CEPT1: variants seen among roughly 807,000 people sequenced by gnomAD.
CEPT1 encodes choline/ethanolamine phosphotransferase 1, also known as choline/ethanolaminephosphotransferase 1.
Under a neutral mutation model 42.6 loss-of-function variants are expected in CEPT1, and 7 were observed. The observed-to-expected ratio is 0.16, with a 90% CI of 0.09 to 0.31. CEPT1 has a LOEUF of 0.31. CEPT1 is among the 10% of genes least tolerant of loss of function. The pLI is 1.00. For missense variants in CEPT1, 306 were observed against 502.1 expected (o/e 0.61, Z 3.73); for synonymous variants, 171 against 171.9 (o/e 0.99, Z 0.04).
chr1:111,159,288 A>G, intron 2 of CEPT1, 92 bp from the exon 3 acceptor site: 6 of 1,221,752 alleles, frequency 4.9e-6, no homozygotes, highest in Non-Finnish European at 7.0e-6. Context: ...CATAGCTTCC[A>G]ACTAGCTTTC....
At chr1:111,145,243 T>A (rs1557919492) in intron 1 of CEPT1, among the ~76,000 whole-genome samples, 1 of 152,218 alleles carries the variant, frequency 6.6e-6, no homozygotes, top group Non-Finnish European at 1.5e-5. Context: ...CTCGAACTCC[T>A]GACCTCAGGT....
In CEPT1 at chr1:111,184,178, C is replaced by G; in HGVS notation, c.1132-13C>G. The G allele has an allele frequency of 6.2e-7, 1 of 1,612,854 alleles. No individual in the cohort carries two copies. The highest frequency in any genetic ancestry group is 8.5e-7 in the Non-Finnish European group (1 of 1,179,182). ...GCCTAAACGGGTGCTGAGAATGTCT[C>G]TTTTCTTTCCAGGTTTTCTCTTTCT... is the stretch of plus-strand genomic sequence containing the variant. On this transcript the variant is annotated splice_polypyrimidine_tract_variant and intron_variant, in intron 8 of 8. Transcript: ENST00000357172.
intron 4 of CEPT1, among the ~76,000 whole-genome samples, chr1:111,164,506 A>C (rs1656031585): frequency 6.6e-6 from 1 of 152,202 alleles, no homozygotes; most frequent in Admixed American, 6.5e-5. Flanking sequence ...AATACTCTTT[A>C]AGATATTTAT....
At chr1:111,181,264 C>CTAGACTACG (rs1553239660) in intron 5 of CEPT1, 1 of 152,018 alleles carries the variant, frequency 6.6e-6, no homozygotes, top group Non-Finnish European at 1.5e-5. Flanking sequence ...GTTTCTATTA[C>CTAGACTACG]TAGACTACGT....
At chr1:111,172,199 A>C (rs1656452753) in intron 4 of CEPT1, among the ~76,000 whole-genome samples, 1 of 152,166 alleles carries the variant, frequency 6.6e-6, no homozygotes, top group South Asian at 2.1e-4. Flanking sequence ...TTTGTTAAAA[A>C]ATCACTGGCA....
chr1:111,159,211 G>A (rs887471845), intron 2 of CEPT1, among the ~76,000 whole-genome samples, 169 bp from the exon 3 acceptor site: 3 of 150,036 alleles, frequency 2.0e-5, no homozygotes, highest in Non-Finnish European at 3.0e-5. Flanking sequence ...CACCGCGCCC[G>A]GCATTCTTTT....
At chr1:111,174,990 A>C (rs1656607462) in intron 5 of CEPT1, 27 bp downstream of exon 5, 1 of 1,273,220 alleles carries the variant, frequency 7.9e-7, no homozygotes, top group African/African-American at 1.5e-5. Flanking sequence ...TGTGTATCCC[A>C]TGTAATGCAT....
chr1:111,163,131 T>G (rs1655955342), intron 4 of CEPT1, among the ~76,000 whole-genome samples: 1 of 151,656 alleles, frequency 6.6e-6, no homozygotes, highest in Non-Finnish European at 1.5e-5. Flanking sequence ...GACACTAGAG[T>G]GCTTGCAAGG....
chr1:111,168,967 G>A lies in CEPT1; in HGVS notation c.630-5912G>A, dbSNP rs12029907. 6.0e-4 allele frequency among the ~76,000 whole-genome samples: 92 copies of A among 152,308 alleles called. 2 individuals are homozygous for A. The East Asian group carries it at 0.016, about 27-fold the overall frequency. On this transcript the variant is annotated intron_variant, in intron 4 of 8. Coordinates refer to ENST00000357172, the MANE Select transcript of CEPT1 (RefSeq NM_006090.5). ...ACTCAGGTTCCTGATATAAGGTGGT[G>A]TAGTATTTGCATAGAACCTATACAC... is the stretch of plus-strand genomic sequence containing the variant.
intron 1 of CEPT1, 47 bp downstream of exon 1, chr1:111,140,354 G>C (rs1396934198): frequency 6.5e-6 from 1 of 153,518 alleles, no homozygotes; most frequent in East Asian, 1.9e-4. Flanking sequence ...TTTGAAGGGC[G>C]TTGTAGGGGC....
Position 111,151,128 on chromosome 1 carries a change from G to GTT in CEPT1, c.339+3089_339+3090dup, listed in dbSNP as rs34545608. On this transcript the variant is annotated intron_variant, in intron 2 of 8. Transcript: ENST00000357172. ...GAGCACTGCTTGTTTTTTTTTGTTT[G>GTT]TTTTTTTTTTTTTTTGAGACGGAGT... 8.0e-3 allele frequency among the ~76,000 whole-genome samples: 1,087 copies of GTT among 135,070 alleles called. 14 individuals are homozygous for GTT. Among genetic ancestry groups the GTT allele is most frequent in the Middle Eastern group, 0.023 (6 of 262 alleles). The allele number at this position is 135,070 out of a possible 152,430, so 88.6% of individuals were successfully genotyped here. A position where few individuals can be genotyped will look rare whatever the true frequency, so the allele number is the denominator to read the frequency against.
chr1:111,151,577 A>G (rs1655280448), intron 2 of CEPT1, among the ~76,000 whole-genome samples: 1 of 152,216 alleles, frequency 6.6e-6, no homozygotes, highest in South Asian at 2.1e-4. Flanking sequence ...TTGTCTAAAG[A>G]TCTGGGATTG....
intron 5 of CEPT1, chr1:111,178,997 C>T (rs1185395833): frequency 6.6e-6 from 1 of 152,140 alleles, no homozygotes; most frequent in East Asian, 1.9e-4. Flanking sequence ...AAATGATTTA[C>T]AAACAGGCAT....
intron 2 of CEPT1, among the ~76,000 whole-genome samples, chr1:111,157,045 A>G (rs1032588028): frequency 2.0e-4 from 30 of 152,206 alleles, no homozygotes; most frequent in Admixed American, 1.4e-3. Context: ...TCTTACGGCA[A>G]CTGGGATCAT....
At chr1:111,173,702 C>G (rs1656535021) in intron 4 of CEPT1, among the ~76,000 whole-genome samples, 1 of 152,128 alleles carries the variant, frequency 6.6e-6, no homozygotes, top group African/African-American at 2.4e-5. Context: ...AGGTAGCCAC[C>G]ACTCTTAGTT....
intron 5 of CEPT1, among the ~76,000 whole-genome samples, chr1:111,175,718 A>G (rs987405543): frequency 2.6e-5 from 4 of 152,196 alleles, no homozygotes; most frequent in Non-Finnish European, 4.4e-5. Context: ...AGCACTTAGA[A>G]TAGTGCCTGT....
In CEPT1 at chr1:111,162,071, A is replaced by G. The variant is rs556388303; in HGVS notation, c.629+775A>G. Among the ~76,000 whole-genome samples the G allele has an allele frequency of 4.6e-5, 7 of 152,318 alleles. No homozygotes were observed. The South Asian group carries it at 1.4e-3, about 32-fold the overall frequency. ...GATGATAAGATGCCTGCCTGTAGGG[A>G]GTGGCAGGAGATAAGGCTGGAGAAG... On this transcript the variant is annotated intron_variant, in intron 4 of 8. Coordinates refer to ENST00000357172, the MANE Select transcript of CEPT1 (RefSeq NM_006090.5).
chr1:111,144,476 C>T (rs1654841359), intron 1 of CEPT1, among the ~76,000 whole-genome samples: 1 of 152,118 alleles, frequency 6.6e-6, no homozygotes, highest in Admixed American at 6.5e-5. Context: ...TGGGCTAGAT[C>T]TGGAAAGGTT....
intron 8 of CEPT1, 49 bp from the exon 9 acceptor site, chr1:111,184,142 G>C (rs1657135940): frequency 1.2e-6 from 2 of 1,602,480 alleles, no homozygotes; most frequent in Admixed American, 1.7e-5. Context: ...CTTTCAGGAA[G>C]CTTAGGGAGA....
Sources: allele counts gnomAD v4.1 joint callset (sites outside exome capture counted in the v4.1 genomes callset), GRCh38; gene constraint gnomAD v4.1.1; transcripts MANE v1.5; gene names NCBI Gene and HGNC (gene_info 2026-07-23, HGNC 2026-07-21).